PLCXD3: variants seen among roughly 807,000 people sequenced by gnomAD.
PLCXD3 encodes PI-PLC X domain-containing protein 3.
In PLCXD3, 19 loss-of-function variants were observed where a neutral mutation model predicts 25.5. The ratio of observed to expected loss-of-function variants is 0.75; its 90% CI spans 0.52 to 1.09. The LOEUF is 1.09. Among genes scored for constraint, PLCXD3 ranks in the 50% least tolerant of loss-of-function variants. The pLI, the probability that PLCXD3 is intolerant of heterozygous loss-of-function variation, is 0.00. For missense variants in PLCXD3, 411 were observed against 388.1 expected, an observed-to-expected ratio of 1.06 and a Z score of -0.50; for synonymous variants, 174 against 137.6, an observed-to-expected ratio of 1.26 and a Z score of -1.85.
intron 2 of PLCXD3, among the ~76,000 whole-genome samples, chr5:41,354,699 C>T (rs1744568265): frequency 2.0e-5 from 3 of 152,208 alleles, no homozygotes; most frequent in African/African-American, 4.8e-5. Flanking sequence ...TGTGATAACT[C>T]CTCTTTGGTT....
At chr5:41,416,518 A>G (rs530810976) in intron 1 of PLCXD3, among the ~76,000 whole-genome samples, 3 of 152,290 alleles carry the variant, frequency 2.0e-5, no homozygotes, top group South Asian at 2.1e-4. Flanking sequence ...TCAGAAGCAG[A>G]TGGGAAACCA....
At chr5:41,439,786 A>G (rs1747337382) in intron 1 of PLCXD3, among the ~76,000 whole-genome samples, 2 of 152,230 alleles carry the variant, frequency 1.3e-5, no homozygotes, top group Non-Finnish European at 2.9e-5. Context: ...CCTAATATCT[A>G]AAACATTCAA....
chr5:41,449,409 TAC>T (rs1747577416), intron 1 of PLCXD3, among the ~76,000 whole-genome samples: 1 of 152,210 alleles, frequency 6.6e-6, no homozygotes, highest in South Asian at 2.1e-4. Flanking sequence ...TTCTAAACTA[TAC>T]AGACTTTTCT....
chr5:41,335,889 G>A lies in PLCXD3; in HGVS notation c.813-22119C>T, dbSNP rs139525189. 7.9e-5 allele frequency among the ~76,000 whole-genome samples: 12 copies of A among 152,232 alleles called. No individual in the cohort carries two copies. In the East Asian group the frequency reaches 2.3e-3, roughly 29 times the overall value. The stretch of plus-strand genomic sequence containing the variant: ...AGGAGATGTCCATAAAGCCTCCTTT[G>A]GCTTCATGAACTAGCTGTTTGTCTC... On this transcript the variant is annotated intron_variant, in intron 2 of 2. Coordinates refer to ENST00000377801, the MANE Select transcript of PLCXD3 (RefSeq NM_001005473.3).
chr5:41,330,991 A>G (rs1743786090), intron 2 of PLCXD3, among the ~76,000 whole-genome samples: 1 of 152,184 alleles, frequency 6.6e-6, no homozygotes. Flanking sequence ...CCAATATCAT[A>G]CTGAATGGGC....
chr5:41,460,646 C>T (rs1686840589), intron 1 of PLCXD3, among the ~76,000 whole-genome samples: 1 of 151,964 alleles, frequency 6.6e-6, no homozygotes, highest in African/African-American at 2.4e-5. Flanking sequence ...CTAGTGAGCA[C>T]TCATTATTCT....
chr5:41,382,141 T>C lies in PLCXD3; in HGVS notation c.497A>G (p.Tyr166Cys), dbSNP rs760570127. 6.2e-6 allele frequency: 10 copies of C among 1,613,674 alleles called. No homozygotes were observed. In the African/African-American group the frequency reaches 6.7e-5, roughly 11 times the overall value. Residue 166 changes from tyrosine (Y) to cysteine (C), a missense_variant, in exon 2 of 3, where the codon TAT (tyrosine) becomes TGT (cysteine). Coordinates refer to ENST00000377801, the MANE Select transcript of PLCXD3 (RefSeq NM_001005473.3). ...AATCGCTGGGCACATTTTATTTCCA[T>C]AGATGTCTTTCAGCATTTGGACCAG... Reference protein sequence around the residue: ...EKLVQMLKDIYGNKMCPAIFA... With the variant: ...EKLVQMLKDICGNKMCPAIFA...
At position 41,510,534 on chromosome 5, in the gene PLCXD3, G is replaced by A; in HGVS notation, c.-8C>T. 6.2e-7 allele frequency: 1 copy of A among 1,611,718 alleles called. No homozygotes were observed. Among genetic ancestry groups the A allele is most frequent in the Non-Finnish European group, 8.5e-7 (1 of 1,178,402 alleles). On this transcript the variant is annotated 5_prime_UTR_variant, in exon 1 of 3. Coordinates refer to ENST00000377801, the MANE Select transcript of PLCXD3 (RefSeq NM_001005473.3). The stretch of plus-strand genomic sequence containing the variant: ...CCCCTGAGACGAGGCCATCGTGCCA[G>A]TCGGCGTGCAGCGCGCTGGTCCCAG...
intron 1 of PLCXD3, among the ~76,000 whole-genome samples, chr5:41,423,529 A>G (rs1613321): frequency 0.19 from 29,424 of 152,044 alleles, 3,961 homozygotes; most frequent in African/African-American, 0.37. Context: ...TCCACAGATT[A>G]GTCTATTTTA....
chr5:41,469,406 G>A (rs996809770), intron 1 of PLCXD3, among the ~76,000 whole-genome samples: 2 of 151,828 alleles, frequency 1.3e-5, no homozygotes, highest in African/African-American at 4.8e-5. Flanking sequence ...TTTCCTCCAC[G>A]AGTTTTCTGG....
At chr5:41,372,586 C>T (rs1275524254) in intron 2 of PLCXD3, among the ~76,000 whole-genome samples, 1 of 152,020 alleles carries the variant, frequency 6.6e-6, no homozygotes, top group Non-Finnish European at 1.5e-5. Flanking sequence ...TCTTGCCATA[C>T]CCCGGAGGAC....
intron 1 of PLCXD3, among the ~76,000 whole-genome samples, chr5:41,399,572 G>T (rs1381566099): frequency 1.3e-5 from 2 of 151,944 alleles, no homozygotes; most frequent in Non-Finnish European, 2.9e-5. Flanking sequence ...TTAGATAAAG[G>T]TGCCATGAGC....
intron 1 of PLCXD3, among the ~76,000 whole-genome samples, chr5:41,395,312 G>A (rs1015221141): frequency 4.0e-5 from 6 of 151,844 alleles, no homozygotes; most frequent in Non-Finnish European, 7.4e-5. Flanking sequence ...AAACCTATGG[G>A]ATACAGCAAA....
chr5:41,325,244 T>C (rs999274583), intron 2 of PLCXD3, among the ~76,000 whole-genome samples: 1 of 152,230 alleles, frequency 6.6e-6, no homozygotes, highest in Admixed American at 6.5e-5. Context: ...GGAATATTTC[T>C]ATTTTCTGTT....
intron 1 of PLCXD3, among the ~76,000 whole-genome samples, chr5:41,496,633 A>C (rs1336658381): frequency 1.3e-5 from 2 of 151,240 alleles, no homozygotes; most frequent in Non-Finnish European, 3.0e-5. Context: ...AGACCAAAAA[A>C]AAAAAAAAAA....
chr5:41,381,861 C>A lies in PLCXD3; in HGVS notation c.777G>T (p.Gly259=), dbSNP rs1369788406. 1 of 1,611,108 alleles carries A rather than the reference C, an allele frequency of 6.2e-7. No homozygotes were observed. Among genetic ancestry groups the A allele is most frequent in the East Asian group, 2.2e-5 (1 of 44,822 alleles). The change falls in exon 2 of 3, where the codon GGG becomes GGT. Residue 259 remains glycine (G), a synonymous_variant. Coordinates refer to ENST00000377801, the MANE Select transcript of PLCXD3 (RefSeq NM_001005473.3). ...LTPKASTVVK[G]VASGLRETIT... ...TTGTTTCTCTGAGGCCACTTGCCAC[C>A]CCTTTGACCACAGTGCTAGCTTTGG...
chr5:41,370,433 A>G (rs759743847), intron 2 of PLCXD3, among the ~76,000 whole-genome samples: 10 of 152,188 alleles, frequency 6.6e-5, no homozygotes, highest in Non-Finnish European at 1.0e-4. Flanking sequence ...TATTATAGAA[A>G]ACATCATTTT....
chr5:41,379,336 C>A (rs1467698228), intron 2 of PLCXD3, among the ~76,000 whole-genome samples: 1 of 151,990 alleles, frequency 6.6e-6, no homozygotes, highest in East Asian at 1.9e-4. Context: ...TGTTAATTAC[C>A]AGAAAAAATA....
At chr5:41,479,516 A>C (rs962909141) in intron 1 of PLCXD3, among the ~76,000 whole-genome samples, 11 of 152,166 alleles carry the variant, frequency 7.2e-5, no homozygotes, top group African/African-American at 2.4e-4. Flanking sequence ...TACCTTGATA[A>C]AAAAAACTGT....
Sources: gnomAD v4.1 joint callset for allele counts (sites outside exome capture counted in the v4.1 genomes callset) on GRCh38, gnomAD v4.1.1 for gene constraint, MANE v1.5 for transcripts, NCBI Gene and HGNC (gene_info 2026-07-23, HGNC 2026-07-21) for gene names.